Variants in MBD5 observed in about 807,000 individuals in gnomAD.
The protein encoded by MBD5 is methyl-CpG binding domain protein 5, also known as methyl-CpG-binding domain protein 5.
A neutral mutation model predicts 117.3 loss-of-function variants in MBD5; 13 were observed. The observed-to-expected ratio is 0.11, with a 90% CI of 0.07 to 0.18. The LOEUF (loss-of-function observed/expected upper bound fraction) is 0.18. Ranked by LOEUF, MBD5 falls within the 10% of genes least tolerant of loss-of-function variation. MBD5 has a pLI of 1.00. For synonymous variants in MBD5, 727 were observed against 766.4 expected, an observed-to-expected ratio of 0.95 and a Z score of 0.85; for missense variants, 1,879 against 2,093.8, an observed-to-expected ratio of 0.90 and a Z score of 2.00.
chr2:148,381,737 C>T (rs548585195), intron 4 of MBD5, among the ~76,000 whole-genome samples: 1 of 152,266 alleles, frequency 6.6e-6, no homozygotes, highest in Admixed American at 6.5e-5. Flanking sequence ...AAAGGGAAGC[C>T]CATCACACTA....
At chr2:148,325,705 G>A (rs373629363) in intron 3 of MBD5, among the ~76,000 whole-genome samples, 29 of 151,762 alleles carry the variant, frequency 1.9e-4, no homozygotes, top group East Asian at 1.2e-3. Flanking sequence ...TTTTTATTGC[G>A]TCTACTTGAT....
In MBD5 at chr2:148,444,213, G is replaced by A. The variant is rs924496162; in HGVS notation, c.-556-13990G>A. Among the ~76,000 whole-genome samples, 8 of 151,440 alleles carry A rather than the reference G, an allele frequency of 5.3e-5. 1 individual carries two copies. The highest frequency in any genetic ancestry group is 2.0e-4 in the African/African-American group (8 of 40,854). On this transcript the variant is annotated intron_variant, in intron 4 of 13. Coordinates refer to ENST00000642680, the MANE Select transcript of MBD5 (RefSeq NM_001378120.1). ...AAGTTAGAGACTTCTTTTGTTAAAG[G>A]ACATACTTTTCAGTGGTTTTAAACT...
chr2:148,172,541 C>T (rs933924936), intron 1 of MBD5, among the ~76,000 whole-genome samples: 1 of 152,112 alleles, frequency 6.6e-6, no homozygotes, highest in African/African-American at 2.4e-5. Context: ...GCCTGGCTGC[C>T]CTGGTTGACA....
At chr2:148,137,851 A>G (rs770867829) in intron 1 of MBD5, among the ~76,000 whole-genome samples, 5 of 152,230 alleles carry the variant, frequency 3.3e-5, no homozygotes, top group Non-Finnish European at 7.3e-5. Context: ...GCACAGTAAC[A>G]TGCTTCACGG....
At chr2:148,444,507 CT>C (rs2105424382) in intron 4 of MBD5, among the ~76,000 whole-genome samples, 1 of 151,342 alleles carries the variant, frequency 6.6e-6, no homozygotes, top group African/African-American at 2.5e-5. Context: ...AATGAGACCC[CT>C]ATGTTTGTTT....
At chr2:148,354,546 T>C (rs1379817712) in intron 4 of MBD5, among the ~76,000 whole-genome samples, 1 of 152,254 alleles carries the variant, frequency 6.6e-6, no homozygotes, top group Non-Finnish European at 1.5e-5. Context: ...TCCAGGTCTT[T>C]GCTATTGCGA....
intron 2 of MBD5, among the ~76,000 whole-genome samples, chr2:148,185,574 A>G (rs1176944156): frequency 6.6e-6 from 1 of 152,178 alleles, no homozygotes; most frequent in Admixed American, 6.5e-5. Flanking sequence ...GGAATAAACT[A>G]TTCTGAGTAA....
chr2:148,034,137 G>C (rs1385804365), intron 1 of MBD5, among the ~76,000 whole-genome samples: 3 of 152,122 alleles, frequency 2.0e-5, no homozygotes, highest in Non-Finnish European at 2.9e-5. Flanking sequence ...CAAGGCTGCA[G>C]GGAGCCGTGA....
At chr2:148,251,729 A>G (rs1574195583) in intron 3 of MBD5, among the ~76,000 whole-genome samples, 1 of 152,202 alleles carries the variant, frequency 6.6e-6, no homozygotes, top group Non-Finnish European at 1.5e-5. Flanking sequence ...AAAAATGTTT[A>G]AAAGATAACA....
At chr2:148,147,822 C>T (rs532313953) in intron 1 of MBD5, among the ~76,000 whole-genome samples, 7 of 152,212 alleles carry the variant, frequency 4.6e-5, no homozygotes, top group Middle Eastern at 3.4e-3. Context: ...CTCCAGCAGA[C>T]TGTTTACTAC....
chr2:148,043,276 A>AAAT lies in MBD5; in HGVS notation c.-925+21594_-925+21595insTAA, dbSNP rs1558899822. On this transcript the variant is annotated intron_variant, in intron 1 of 13. Coordinates refer to ENST00000642680, the MANE Select transcript of MBD5 (RefSeq NM_001378120.1). ...CTCTCTCTACTAAAAATACAAAAAA[A>AAAT]AAATAAAAAAATAAATAAATAAATA... 5.9e-4 allele frequency among the ~76,000 whole-genome samples: 89 copies of AAAT among 150,424 alleles called. 1 individual carries two copies. In the South Asian group the frequency reaches 0.015, roughly 25 times the overall value.
Position 148,058,546 on chromosome 2 carries a change from T to TA in MBD5, c.-925+36867dup, listed in dbSNP as rs145108172. The stretch of plus-strand genomic sequence containing the variant: ...ATTTGCATTGCAAATGCTTTTTTTT[T>TA]AAAAAGAGATTTTCTGAGGCTCTTA... On this transcript the variant is annotated intron_variant, in intron 1 of 13. Transcript: ENST00000642680. 4.6e-3 allele frequency among the ~76,000 whole-genome samples: 702 copies of TA among 152,096 alleles called. 4 individuals are homozygous for TA. Among genetic ancestry groups the TA allele is most frequent in the South Asian group, 8.5e-3 (41 of 4,822 alleles).
intron 2 of MBD5, among the ~76,000 whole-genome samples, chr2:148,205,338 C>T (rs1036217724): frequency 6.6e-5 from 10 of 152,144 alleles, no homozygotes; most frequent in Non-Finnish European, 1.5e-5. Flanking sequence ...GATCCGCCTA[C>T]CTTGGCTTCC....
intron 2 of MBD5, among the ~76,000 whole-genome samples, chr2:148,232,499 A>C (rs1466321438): frequency 6.6e-6 from 1 of 152,150 alleles, no homozygotes; most frequent in Non-Finnish European, 1.5e-5. Flanking sequence ...TTTTTCAAGA[A>C]AGCGTCTCAC....
rs569673565 is a variant in MBD5 at position 148,288,399 on chromosome 2, C to CA, written c.-679-53800dup. On this transcript the variant is annotated intron_variant, in intron 3 of 13. Transcript: ENST00000642680. The stretch of plus-strand genomic sequence containing the variant: ...TGGGCGACAGAGCGAGACTCCGTCT[C>CA]AAAAAAAAAAAAAAAGTGATTTCTT... Among the ~76,000 whole-genome samples, 135 of 37,736 alleles carry CA rather than the reference C, an allele frequency of 3.6e-3. 12 individuals are homozygous for CA. The highest frequency in any genetic ancestry group is 0.015 in the East Asian group (6 of 398). The allele number at this position is 37,736 out of a possible 152,430, so 24.8% of individuals were successfully genotyped here.
chr2:148,192,959 C>G (rs1388055736), intron 2 of MBD5, among the ~76,000 whole-genome samples: 1 of 78,742 alleles, frequency 1.3e-5, no homozygotes, highest in Non-Finnish European at 2.6e-5. Context: ...TTCTTATACA[C>G]CAACAACAGA....
intron 2 of MBD5, among the ~76,000 whole-genome samples, chr2:148,205,035 T>A (rs1699242324): frequency 1.3e-5 from 2 of 152,076 alleles, no homozygotes; most frequent in Non-Finnish European, 2.9e-5. Context: ...TCTACCTGTT[T>A]TCTCCACTTT....
At chr2:148,068,351 C>G (rs1002482145) in intron 1 of MBD5, among the ~76,000 whole-genome samples, 2 of 152,120 alleles carry the variant, frequency 1.3e-5, no homozygotes, top group East Asian at 1.9e-4. Flanking sequence ...CTCAGGATGG[C>G]CTATGGTTGT....
Position 148,485,857 on chromosome 2 carries a change from G to C in MBD5, c.3660G>C (p.Gln1220His), listed in dbSNP as rs138245969. Residue 1220 changes from glutamine (Q) to histidine (H), a missense_variant, in exon 10 of 14, where the codon CAG (glutamine) becomes CAC (histidine). Gln to His is a conservative substitution (Grantham distance 24). Around this residue, in one of 4 missense-constraint regions of MBD5, gnomAD observed 1,666 missense variants for 1,792.2 expected, o/e 0.93. Coordinates refer to ENST00000642680, the MANE Select transcript of MBD5 (RefSeq NM_001378120.1). ...ATCAGCAACAGCAGCAACTTCTCCA[G>C]GGGTACCAGAATCTCCAGGCGTTCC... ...PPNQQQQQLL[Q>H]GYQNLQAFQG... The C allele has an allele frequency of 6.2e-7, 1 of 1,614,086 alleles. No homozygotes were observed. The highest frequency in any genetic ancestry group is 2.2e-5 in the East Asian group (1 of 44,872).
Sources: allele counts gnomAD v4.1 joint callset (sites outside exome capture counted in the v4.1 genomes callset), GRCh38; gene constraint gnomAD v4.1.1; regional missense constraint gnomAD v4.1.1; transcripts MANE v1.5; gene names NCBI Gene and HGNC (gene_info 2026-07-23, HGNC 2026-07-21).